Variants in GPHN observed in about 807,000 individuals in gnomAD.
The protein encoded by GPHN is gephyrin.
Under a neutral mutation model 95.5 loss-of-function variants are expected in GPHN, and 17 were observed. The ratio of observed to expected loss-of-function variants is 0.18; its 90% CI spans 0.12 to 0.27. The LOEUF (loss-of-function observed/expected upper bound fraction) is 0.27, where lower values mean the gene tolerates loss of function less well. GPHN is among the 10% of genes least tolerant of loss of function. The pLI is 1.00. For synonymous variants in GPHN, 320 were observed against 322.5 expected (o/e 0.99, Z 0.08); for missense variants, 660 against 978.1 (o/e 0.67, Z 4.34).
chr14:67,602,349 A>C, the GPHN span, among the ~76,000 whole-genome samples: 1 of 152,210 alleles, frequency 6.6e-6, no homozygotes, highest in Non-Finnish European at 1.5e-5. Context: ...ATCACCTCCC[A>C]CTGGGTCCCT....
At chr14:67,178,300 T>A (rs924857990) in intron 21 of GPHN, among the ~76,000 whole-genome samples, 10 of 152,230 alleles carry the variant, frequency 6.6e-5, no homozygotes, top group African/African-American at 2.4e-4. Flanking sequence ...TAAAGGATTT[T>A]ATTTCTCCTT....
the GPHN span, among the ~76,000 whole-genome samples, chr14:67,631,077 C>G: frequency 6.6e-6 from 1 of 152,160 alleles, no homozygotes; most frequent in Non-Finnish European, 1.5e-5. Flanking sequence ...TGTCATGGCT[C>G]TTCTCTCCTA....
At chr14:67,382,790 A>G in the GPHN span, 2 of 579,038 alleles carry the variant, frequency 3.5e-6, no homozygotes, top group Non-Finnish European at 6.0e-6. Flanking sequence ...AAGTTTTTTT[A>G]TGGTTTGAAT....
chr14:67,022,033 T>C (rs1325418907), intron 9 of GPHN, among the ~76,000 whole-genome samples: 2 of 152,166 alleles, frequency 1.3e-5, no homozygotes, highest in African/African-American at 4.8e-5. Flanking sequence ...CTTGTGTTCT[T>C]TGAATCACTT....
chr14:66,747,493 G>T (rs2058197948), intron 2 of GPHN, among the ~76,000 whole-genome samples: 1 of 151,886 alleles, frequency 6.6e-6, no homozygotes, highest in African/African-American at 2.4e-5. Context: ...TCACTCCACA[G>T]AAATTAAACG....
At chr14:66,883,442 G>T (rs895110349) in intron 5 of GPHN, among the ~76,000 whole-genome samples, 4 of 151,884 alleles carry the variant, frequency 2.6e-5, no homozygotes, top group African/African-American at 4.8e-5. Flanking sequence ...ATGTCATGGA[G>T]AATAGTTATA....
intron 2 of GPHN, among the ~76,000 whole-genome samples, chr14:66,727,553 G>A (rs1460099900): frequency 6.6e-6 from 1 of 152,150 alleles, no homozygotes; most frequent in Non-Finnish European, 1.5e-5. Context: ...GGTCTCAGAT[G>A]GAGATGAAGT....
the GPHN span, chr14:67,387,563 TG>T: frequency 8.9e-7 from 1 of 1,129,264 alleles, no homozygotes; most frequent in East Asian, 2.6e-5. Flanking sequence ...CATACAATGA[TG>T]TATTTATTAA....
the GPHN span, among the ~76,000 whole-genome samples, chr14:67,538,026 C>T: frequency 1.3e-5 from 2 of 152,126 alleles, no homozygotes; most frequent in African/African-American, 4.8e-5. Flanking sequence ...AACAGCTGAT[C>T]GTAATTTTAG....
intron 2 of GPHN, among the ~76,000 whole-genome samples, chr14:66,763,186 T>G (rs2058822903): frequency 6.6e-6 from 1 of 151,608 alleles, no homozygotes; most frequent in Non-Finnish European, 1.5e-5. Flanking sequence ...ATAAAAGTAA[T>G]AAAAAATACC....
chr14:66,686,751 C>T (rs576778404), intron 2 of GPHN, among the ~76,000 whole-genome samples: 1 of 152,238 alleles, frequency 6.6e-6, no homozygotes, highest in East Asian at 1.9e-4. Flanking sequence ...TTTCTTTCTC[C>T]TGCCTGATTG....
chr14:66,567,154 C>A (rs1200316141), intron 1 of GPHN, among the ~76,000 whole-genome samples: 1 of 152,070 alleles, frequency 6.6e-6, no homozygotes, highest in Non-Finnish European at 1.5e-5. Flanking sequence ...AATAAGAAAA[C>A]AGAAGCAGGT....
intron 1 of GPHN, among the ~76,000 whole-genome samples, chr14:66,534,605 A>C (rs1032295831): frequency 6.6e-6 from 1 of 152,158 alleles, no homozygotes; most frequent in African/African-American, 2.4e-5. Flanking sequence ...CATTTTTAAG[A>C]GTATAATTGT....
At chr14:67,389,463 C>T in the GPHN span, among the ~76,000 whole-genome samples, 1 of 152,162 alleles carries the variant, frequency 6.6e-6, no homozygotes, top group Non-Finnish European at 1.5e-5. Flanking sequence ...GGTTCCTTAT[C>T]TTGTACCTGC....
chr14:66,586,597 T>C (rs1211521232), intron 1 of GPHN, among the ~76,000 whole-genome samples: 1 of 152,192 alleles, frequency 6.6e-6, no homozygotes, highest in Non-Finnish European at 1.5e-5. Flanking sequence ...TGACAACATA[T>C]CTCAGCATTT....
chr14:67,443,233 G>GA, the GPHN span, among the ~76,000 whole-genome samples: 149 of 146,244 alleles, frequency 1.0e-3, 2 homozygotes, highest in East Asian at 2.6e-3. Flanking sequence ...AAGAAAGAAA[G>GA]AAAAAAAAAA....
chr14:67,007,528 A>G (rs1038990675), intron 9 of GPHN, among the ~76,000 whole-genome samples: 5 of 152,216 alleles, frequency 3.3e-5, no homozygotes, highest in East Asian at 1.9e-4. Flanking sequence ...GCACAGTTCA[A>G]GAGTTCAAAG....
chr14:66,689,107 T>G (rs528877001), intron 2 of GPHN, among the ~76,000 whole-genome samples: 5 of 152,296 alleles, frequency 3.3e-5, no homozygotes, highest in African/African-American at 1.2e-4. Context: ...GAGCATCTTT[T>G]TTTTGTTCCA....
At chr14:66,526,779 A>G (rs1347425632) in intron 1 of GPHN, among the ~76,000 whole-genome samples, 1 of 152,174 alleles carries the variant, frequency 6.6e-6, no homozygotes, top group Non-Finnish European at 1.5e-5. Flanking sequence ...GATTACATTT[A>G]TTGATTTGTA....
Sources: gnomAD v4.1 joint callset for allele counts (sites outside exome capture counted in the v4.1 genomes callset) on GRCh38, gnomAD v4.1.1 for gene constraint, MANE v1.5 for transcripts, NCBI Gene and HGNC (gene_info 2026-07-23, HGNC 2026-07-21) for gene names.